Variants in AMELY observed in about 807,000 individuals in gnomAD.
AMELY encodes the protein amelogenin, Y isoform.
A neutral mutation model predicts 4.2 loss-of-function variants in AMELY; 4 were observed. That is an observed-to-expected ratio of 0.96 (90% CI 0.47 to 2.19). AMELY has a LOEUF of 2.19. Among genes scored for constraint, AMELY ranks in the 30% most tolerant of loss-of-function variants. The pLI, the probability that AMELY is intolerant of heterozygous loss-of-function variation, is 0.02. For synonymous variants in AMELY, 11 were observed against 14.7 expected, an observed-to-expected ratio of 0.75 and a Z score of 0.57; for missense variants, 32 against 41.5, an observed-to-expected ratio of 0.77 and a Z score of 0.63.
At position 6,868,343 on chromosome Y, in the gene AMELY, C is replaced by A; in HGVS notation, c.267G>T (p.Val89=). 1 of 398,155 alleles carries A rather than the reference C, an allele frequency of 2.5e-6. No homozygotes were observed. The highest frequency in any genetic ancestry group is 3.5e-6 in the Non-Finnish European group (1 of 283,573). The change falls in exon 6 of 7, where the codon GTG becomes GTT. Residue 89 remains valine, a synonymous_variant. Coordinates refer to ENST00000651267, the MANE Select transcript of AMELY (RefSeq NM_001143.2). ...GGCGGACCCTGGGCTGCTGAGCTGG[C>A]ACCACTGGGATGTGGTGATGAGACT... is the stretch of plus-strand genomic sequence containing the variant. ...TLQSHHHIPV[V]PAQQPRVRQQ...
intron 1 of AMELY, among the ~76,000 whole-genome samples, chrY:6,885,298 A>G (rs2054078833): frequency 3.0e-5 from 1 of 33,352 alleles, no homozygotes; most frequent in Non-Finnish European, 7.4e-5. Context: ...ACACAGTGAA[A>G]CCCCGTCTCT....
At chrY:6,899,523 C>T in intron 1 of AMELY, among the ~76,000 whole-genome samples, 1 of 28,811 alleles carries the variant, frequency 3.5e-5, no homozygotes, top group Non-Finnish European at 8.1e-5. Context: ...GTCTGGAGTT[C>T]GAGACCAGCC....
At chrY:6,907,226 AC>A (rs2011666420) in intron 1 of AMELY, among the ~76,000 whole-genome samples, 16 of 32,495 alleles carry the variant, frequency 4.9e-4, no homozygotes, top group African/African-American at 2.0e-3. Flanking sequence ...AAACAAACAA[AC>A]AAAAATAATT....
intron 1 of AMELY, among the ~76,000 whole-genome samples, chrY:6,887,611 C>A: frequency 3.1e-5 from 1 of 32,163 alleles, no homozygotes; most frequent in Non-Finnish European, 7.5e-5. Context: ...AACCTATTAA[C>A]CCATTATCTA....
At chrY:6,886,045 G>C (rs767867888) in intron 1 of AMELY, among the ~76,000 whole-genome samples, 17 of 34,139 alleles carry the variant, frequency 5.0e-4, no homozygotes, top group African/African-American at 1.9e-3. Flanking sequence ...AGATTAAAAA[G>C]AAACAAAATG....
At chrY:6,899,733 CA>C (rs2054088219) in intron 1 of AMELY, among the ~76,000 whole-genome samples, 1 of 28,919 alleles carries the variant, frequency 3.5e-5, no homozygotes, top group Admixed American at 3.3e-4. Context: ...AACTCCGTCT[CA>C]AAAAAAAGGA....
At chrY:6,885,388 T>C (rs2054079189) in intron 1 of AMELY, among the ~76,000 whole-genome samples, 1 of 33,984 alleles carries the variant, frequency 2.9e-5, no homozygotes, top group South Asian at 6.6e-4. Context: ...GGCAGGAGAA[T>C]GGCATGAGCC....
intron 1 of AMELY, among the ~76,000 whole-genome samples, chrY:6,883,439 G>A: frequency 1.2e-4 from 4 of 32,183 alleles, no homozygotes; most frequent in Admixed American, 2.9e-4. Context: ...ATCGGGGCCT[G>A]TTGGGGTGGG....
intron 3 of AMELY, among the ~76,000 whole-genome samples, chrY:6,870,888 C>G: frequency 3.0e-5 from 1 of 33,094 alleles, no homozygotes; most frequent in Non-Finnish European, 7.4e-5. Context: ...TGGTTGCACC[C>G]GGGGTCCACG....
At chrY:6,879,563 A>T in intron 1 of AMELY, among the ~76,000 whole-genome samples, 2 of 33,316 alleles carry the variant, frequency 6.0e-5, no homozygotes, top group Admixed American at 2.8e-4. Context: ...TTTGGCTTTC[A>T]TTGCCATGCT....
intron 1 of AMELY, among the ~76,000 whole-genome samples, chrY:6,896,581 ATC>A (rs2054086363): frequency 3.0e-5 from 1 of 33,793 alleles, no homozygotes; most frequent in African/African-American, 1.2e-4. Context: ...CACAGCTTTC[ATC>A]TCAGCACTTC....
chrY:6,874,877 T>C, intron 1 of AMELY, among the ~76,000 whole-genome samples: 1 of 33,834 alleles, frequency 3.0e-5, no homozygotes, highest in African/African-American at 1.1e-4. Flanking sequence ...ACTTTCATCT[T>C]AGTGAACCAC....
At chrY:6,869,500 T>G (rs2054065806) in intron 4 of AMELY, among the ~76,000 whole-genome samples, 1 of 33,823 alleles carries the variant, frequency 3.0e-5, no homozygotes, top group African/African-American at 1.2e-4. Flanking sequence ...TCAGTTACCT[T>G]GCTCATATTA....
At chrY:6,893,837 G>T in intron 1 of AMELY, among the ~76,000 whole-genome samples, 1 of 33,188 alleles carries the variant, frequency 3.0e-5, no homozygotes, top group Non-Finnish European at 7.4e-5. Context: ...TTATCCTGGG[G>T]GATTAACCTG....
At chrY:6,898,706 C>T (rs770001984) in intron 1 of AMELY, among the ~76,000 whole-genome samples, 3 of 33,573 alleles carry the variant, frequency 8.9e-5, no homozygotes, top group East Asian at 7.9e-4. Context: ...CAAGTTGACA[C>T]GTAGAATTAA....
chrY:6,877,565 G>A, intron 1 of AMELY, among the ~76,000 whole-genome samples: 1 of 32,887 alleles, frequency 3.0e-5, no homozygotes, highest in Non-Finnish European at 7.5e-5. Context: ...TTCCCTATGT[G>A]TTCCTCCACC....
chrY:6,905,484 T>C (rs1603023396), intron 1 of AMELY, among the ~76,000 whole-genome samples: 1 of 30,589 alleles, frequency 3.3e-5, no homozygotes, highest in Admixed American at 3.1e-4. Context: ...CTTTCTTTCT[T>C]TCTCTTTCTT....
intron 3 of AMELY, among the ~76,000 whole-genome samples, chrY:6,871,993 C>CAAA: frequency 1.4e-4 from 4 of 28,399 alleles, no homozygotes; most frequent in African/African-American, 3.9e-4. Flanking sequence ...ACAACAACAA[C>CAAA]AAAAAAACCT....
intron 1 of AMELY, among the ~76,000 whole-genome samples, chrY:6,884,771 A>G: frequency 3.0e-5 from 1 of 33,737 alleles, no homozygotes; most frequent in Non-Finnish European, 7.3e-5. Flanking sequence ...ATTCAACAAC[A>G]AGACTTAACA....
Sources: gnomAD v4.1 joint callset for allele counts (sites outside exome capture counted in the v4.1 genomes callset) on GRCh38, gnomAD v4.1.1 for gene constraint, MANE v1.5 for transcripts, NCBI Gene and HGNC (gene_info 2026-07-23, HGNC 2026-07-21) for gene names.